Variants in TRAPPC11 observed in about 807,000 individuals in gnomAD.
TRAPPC11 encodes trafficking protein particle complex subunit 11.
A neutral mutation model predicts 151.2 loss-of-function variants in TRAPPC11; 104 were observed. That is an observed-to-expected ratio of 0.69 (90% CI 0.59 to 0.81). The LOEUF (loss-of-function observed/expected upper bound fraction) is 0.81, where lower values mean the gene tolerates loss of function less well. Ranked by LOEUF, TRAPPC11 falls within the 30% of genes least tolerant of loss-of-function variation. TRAPPC11 has a pLI of 0.00. For missense variants in TRAPPC11, 1,230 were observed against 1,349.6 expected (o/e 0.91, Z 1.39); for synonymous variants, 456 against 472.3 (o/e 0.97, Z 0.45).
intron 29 of TRAPPC11, among the ~76,000 whole-genome samples, chr4:183,710,914 C>T (rs1737311664): frequency 6.6e-6 from 1 of 151,282 alleles, no homozygotes; most frequent in Admixed American, 6.6e-5. Flanking sequence ...GCCTGCAATC[C>T]CAGCTACTTG....
At position 183,685,298 on chromosome 4, in the gene TRAPPC11, T is replaced by C. The variant is rs1309416863; in HGVS notation, c.1657T>C (p.Cys553Arg). ...MNESPDPEPD[C>R]DILAVKTAQK... ...TGAAAGTCCTGATCCAGAACCCGAC[T>C]GTGATATCTTAGCTGTGAAAACTGC... Residue 553 changes from cysteine (C) to arginine (R), a missense_variant, in exon 17 of 30, where the codon TGT becomes CGT. Coordinates refer to ENST00000334690, the MANE Select transcript of TRAPPC11 (RefSeq NM_021942.6). 1.9e-6 allele frequency: 3 copies of C among 1,614,118 alleles called. No individual in the cohort carries two copies. The highest frequency in any genetic ancestry group is 2.5e-6 in the Non-Finnish European group (3 of 1,179,978).
intron 28 of TRAPPC11, 59 bp downstream of exon 28, chr4:183,706,999 G>C: frequency 6.3e-7 from 1 of 1,582,884 alleles, no homozygotes; most frequent in Non-Finnish European, 8.6e-7. Context: ...GAAACGGAGA[G>C]CTGTACCTTT....
chr4:183,704,083 A>G (rs1426016116), intron 26 of TRAPPC11, among the ~76,000 whole-genome samples: 1 of 152,250 alleles, frequency 6.6e-6, no homozygotes, highest in Non-Finnish European at 1.5e-5. Context: ...AATCGTGTGC[A>G]TCATGATTGA....
At chr4:183,674,004 T>C (rs943642309) in intron 5 of TRAPPC11, among the ~76,000 whole-genome samples, 2 of 152,216 alleles carry the variant, frequency 1.3e-5, no homozygotes, top group African/African-American at 4.8e-5. Flanking sequence ...TTCTTTTAAA[T>C]CCTAAATACT....
chr4:183,675,114 C>A (rs2111331939), intron 6 of TRAPPC11, 50 bp from the exon 7 acceptor site: 1 of 982,216 alleles, frequency 1.0e-6, no homozygotes, highest in East Asian at 3.0e-5. Flanking sequence ...TTATAATTTT[C>A]ACATTTTAAA....
At position 183,694,029 on chromosome 4, in the gene TRAPPC11, A is replaced by G. The variant is rs1156358377; in HGVS notation, c.2499A>G (p.Pro833=). 2.5e-6 allele frequency: 4 copies of G among 1,613,764 alleles called. No individual in the cohort carries two copies. Among genetic ancestry groups the G allele is most frequent in the Middle Eastern group, 3.3e-4 (2 of 6,060 alleles). The change falls in exon 22 of 30, where the codon CCA becomes CCG. Residue 833 remains proline, a synonymous_variant. Transcript: ENST00000334690. ...LTDIPVGDLH[P]GEQLEKMLYV... is the part of the protein sequence containing the mutation. The stretch of plus-strand genomic sequence containing the variant: ...ACATTCCTGTTGGAGACTTACATCC[A>G]GGGGAACAGGTAAACTTGGTCAACT...
chr4:183,661,184 T>C (rs1488322301), intron 1 of TRAPPC11, among the ~76,000 whole-genome samples: 1 of 152,038 alleles, frequency 6.6e-6, no homozygotes, highest in Non-Finnish European at 1.5e-5. Context: ...ATTTATTGAA[T>C]ACCTGTTGTT....
chr4:183,695,310 A>G (rs920865091), intron 23 of TRAPPC11, among the ~76,000 whole-genome samples: 3 of 152,208 alleles, frequency 2.0e-5, no homozygotes, highest in African/African-American at 7.2e-5. Flanking sequence ...CACACATGAG[A>G]TAAAATCTGT....
intron 26 of TRAPPC11, 54 bp from the exon 27 acceptor site, chr4:183,704,925 T>C: frequency 8.5e-7 from 1 of 1,170,772 alleles, no homozygotes; most frequent in Admixed American, 1.8e-5. Flanking sequence ...ACTTCTTTCA[T>C]AGTTTAAAAA....
In TRAPPC11 at chr4:183,660,874, C is replaced by T. The variant is rs542067594; in HGVS notation, c.-22+1427C>T. Among the ~76,000 whole-genome samples, 11 of 152,052 alleles carry T rather than the reference C, an allele frequency of 7.2e-5. 1 individual carries two copies. In the South Asian group the frequency reaches 1.9e-3, roughly 26 times the overall value. On this transcript the variant is annotated intron_variant, in intron 1 of 29. Transcript: ENST00000334690. ...GACTATAGGCACGCATCACCATGCC[C>T]GGCTAATTTTTGTATTTTTAGTAGA...
intron 26 of TRAPPC11, among the ~76,000 whole-genome samples, chr4:183,702,756 G>A (rs1189598392): frequency 6.6e-6 from 1 of 152,164 alleles, no homozygotes; most frequent in East Asian, 1.9e-4. Context: ...AGACTGGGAA[G>A]TAGATACATG....
intron 23 of TRAPPC11, among the ~76,000 whole-genome samples, chr4:183,695,453 G>A (rs941517395): frequency 1.3e-5 from 2 of 152,068 alleles, no homozygotes; most frequent in Admixed American, 1.3e-4. Context: ...GAACGATCAC[G>A]GTTACAGTTC....
At chr4:183,667,387 G>A (rs1337118739) in intron 4 of TRAPPC11, among the ~76,000 whole-genome samples, 1 of 152,148 alleles carries the variant, frequency 6.6e-6, no homozygotes, top group African/African-American at 2.4e-5. Flanking sequence ...AGGAAGGCAT[G>A]TTCAATTCAC....
chr4:183,688,973 T>A (rs1025384450), intron 18 of TRAPPC11, among the ~76,000 whole-genome samples: 2 of 152,158 alleles, frequency 1.3e-5, no homozygotes, highest in Non-Finnish European at 2.9e-5. Context: ...ACTGCTGGGC[T>A]CAAGGAGCCC....
chr4:183,697,608 T>C (rs1311304227), intron 24 of TRAPPC11, 40 bp downstream of exon 24: 3 of 1,605,426 alleles, frequency 1.9e-6, no homozygotes, highest in South Asian at 1.1e-5. Context: ...ATTTAGGTTA[T>C]AAAAATGGAC....
In TRAPPC11 at chr4:183,694,694, G is replaced by A. The variant is rs144365310; in HGVS notation, c.2599G>A (p.Glu867Lys). 5 of 1,607,876 alleles carry A rather than the reference G, an allele frequency of 3.1e-6. No homozygotes were observed. Among genetic ancestry groups the A allele is most frequent in the Admixed American group, 1.7e-5 (1 of 58,278 alleles). The change falls in exon 23 of 30, where the codon GAA (glutamate) becomes AAA (lysine). Residue 867 changes from glutamate (E) to lysine (K), a missense_variant. By Grantham distance (56) the Glu-to-Lys change is moderately conservative. Coordinates refer to ENST00000334690, the MANE Select transcript of TRAPPC11 (RefSeq NM_021942.6). ...TTACCTGATAAATACAACCGTTGAA[G>A]AAAAAGAAATTGTTTGCAAGTGTCA... ...VSYLINTTVE[E>K]KEIVCKCHKD...
intron 17 of TRAPPC11, among the ~76,000 whole-genome samples, chr4:183,685,898 A>G (rs1561045905): frequency 6.6e-6 from 1 of 152,124 alleles, no homozygotes; most frequent in East Asian, 1.9e-4. Context: ...CAGTGGCATG[A>G]TCTCAGCTCA....
chr4:183,679,716 TTGAGTCTCTACCATA>T (rs1735583401), intron 9 of TRAPPC11, among the ~76,000 whole-genome samples: 1 of 152,208 alleles, frequency 6.6e-6, no homozygotes, highest in Admixed American at 6.5e-5. Context: ...CATATATTTA[TTGAGTCTCTACCATA>T]TGTCTAGGTC....
intron 1 of TRAPPC11, among the ~76,000 whole-genome samples, chr4:183,663,385 C>G (rs1412632044): frequency 3.3e-5 from 5 of 152,290 alleles, no homozygotes; most frequent in Middle Eastern, 3.4e-3. Flanking sequence ...AGGCGCCCAC[C>G]ACCACGCCCG....
Sources: allele counts gnomAD v4.1 joint callset (sites outside exome capture counted in the v4.1 genomes callset), GRCh38; gene constraint gnomAD v4.1.1; transcripts MANE v1.5; gene names NCBI Gene and HGNC (gene_info 2026-07-23, HGNC 2026-07-21).